The following TACR3 variants were observed in gnomAD, a reference collection of about 807,000 sequenced individuals.
TACR3 encodes tachykinin receptor 3.
Under a neutral mutation model 35.0 loss-of-function variants are expected in TACR3, and 34 were observed. The ratio of observed to expected loss-of-function variants is 0.97; its 90% CI spans 0.74 to 1.30. TACR3 has a LOEUF of 1.30. TACR3 is among the 50% of genes most tolerant of loss of function. The pLI, the probability that TACR3 is intolerant of heterozygous loss-of-function variation, is 0.00. For missense variants in TACR3, 558 were observed against 591.7 expected (o/e 0.94, Z 0.59); for synonymous variants, 233 against 221.1 (o/e 1.05, Z -0.48).
At chr4:103,616,165 A>C (rs1724653482) in intron 3 of TACR3, among the ~76,000 whole-genome samples, 1 of 152,202 alleles carries the variant, frequency 6.6e-6, no homozygotes. Flanking sequence ...TGAAACATTA[A>C]TACAAGTTTG....
intron 3 of TACR3, chr4:103,593,271 T>A (rs1723932507): frequency 6.6e-6 from 1 of 152,196 alleles, no homozygotes; most frequent in Non-Finnish European, 1.5e-5. Context: ...TCTTGTCTTT[T>A]TACCCTCTAT....
At chr4:103,691,693 G>A (rs1722404833) in intron 1 of TACR3, among the ~76,000 whole-genome samples, 1 of 152,120 alleles carries the variant, frequency 6.6e-6, no homozygotes, top group South Asian at 2.1e-4. Context: ...GAAGGTTGTG[G>A]GTTTACGGGA....
At chr4:103,707,625 A>G (rs1451902642) in intron 1 of TACR3, among the ~76,000 whole-genome samples, 5 of 152,158 alleles carry the variant, frequency 3.3e-5, no homozygotes, top group Non-Finnish European at 7.4e-5. Flanking sequence ...TACCGGGTTC[A>G]TCTCACTGGG....
intron 3 of TACR3, among the ~76,000 whole-genome samples, chr4:103,605,058 C>G (rs1724322313): frequency 6.8e-6 from 1 of 147,368 alleles, no homozygotes; most frequent in African/African-American, 2.6e-5. Flanking sequence ...TCAATTCCCA[C>G]CTATGAGTGA....
intron 1 of TACR3, among the ~76,000 whole-genome samples, chr4:103,694,122 A>T (rs1722469961): frequency 6.6e-6 from 1 of 151,822 alleles, no homozygotes; most frequent in Non-Finnish European, 1.5e-5. Flanking sequence ...CAAATTTCAG[A>T]AGCCTTTTTT....
intron 1 of TACR3, among the ~76,000 whole-genome samples, chr4:103,669,772 T>C (rs1726015545): frequency 6.6e-6 from 1 of 152,042 alleles, no homozygotes; most frequent in African/African-American, 2.4e-5. Flanking sequence ...TCTACAAATA[T>C]TTCCTCCTAT....
intron 3 of TACR3, among the ~76,000 whole-genome samples, chr4:103,602,880 G>A (rs556778635): frequency 6.6e-6 from 1 of 152,328 alleles, no homozygotes; most frequent in South Asian, 2.1e-4. Context: ...CAGATCTCAA[G>A]CTGCATGCTG....
chr4:103,647,935 T>A (rs1725496289), intron 3 of TACR3, among the ~76,000 whole-genome samples: 2 of 151,992 alleles, frequency 1.3e-5, no homozygotes, highest in Non-Finnish European at 2.9e-5. Flanking sequence ...AGGTTCTATA[T>A]AACATAAAAA....
At chr4:103,714,420 A>T (rs898976994) in intron 1 of TACR3, among the ~76,000 whole-genome samples, 2 of 152,136 alleles carry the variant, frequency 1.3e-5, no homozygotes, top group African/African-American at 2.4e-5. Flanking sequence ...AACTTTGACA[A>T]CTCACTAGAG....
chr4:103,676,477 G>A (rs1726171772), intron 1 of TACR3, among the ~76,000 whole-genome samples: 1 of 152,080 alleles, frequency 6.6e-6, no homozygotes, highest in Non-Finnish European at 1.5e-5. Context: ...AAGAAAAACA[G>A]CTATAGAGAC....
In TACR3 at chr4:103,586,755, T is replaced by TA. The variant is rs1461603954; in HGVS notation, c.*2926dup. 8.6e-5 allele frequency: 13 copies of TA among 151,516 alleles called. No homozygotes were observed. Among genetic ancestry groups the TA allele is most frequent in the Admixed American group, 6.6e-5 (1 of 15,170 alleles). 9.4% of individuals were successfully genotyped at this position (151,516 alleles called of 1,614,324 possible). A position where few individuals can be genotyped will look rare whatever the true frequency, so the allele number is the denominator to read the frequency against. On this transcript the variant is annotated 3_prime_UTR_variant, in exon 5 of 5. Coordinates refer to ENST00000304883, the MANE Select transcript of TACR3 (RefSeq NM_001059.3). ...TAATGCAACAGTGTGCTGTACTTGG[T>TA]AAAAAATAAAAAAGTGTGAGAGTGA...
At chr4:103,707,875 G>C (rs1722832449) in intron 1 of TACR3, among the ~76,000 whole-genome samples, 1 of 152,156 alleles carries the variant, frequency 6.6e-6, no homozygotes, top group African/African-American at 2.4e-5. Context: ...GGCTCAGAGG[G>C]TCCCACACCC....
intron 3 of TACR3, among the ~76,000 whole-genome samples, chr4:103,632,599 T>C (rs1242574281): frequency 6.7e-6 from 1 of 150,056 alleles, no homozygotes; most frequent in Non-Finnish European, 1.5e-5. Flanking sequence ...CAAACCACCA[T>C]GGCACACGTA....
intron 1 of TACR3, among the ~76,000 whole-genome samples, chr4:103,680,198 T>C (rs1726260782): frequency 6.6e-6 from 1 of 151,386 alleles, no homozygotes; most frequent in Non-Finnish European, 1.5e-5. Flanking sequence ...ACATAAACAA[T>C]AAAAAAAGCC....
chr4:103,632,933 A>T (rs1363996682), intron 3 of TACR3, among the ~76,000 whole-genome samples: 4 of 152,164 alleles, frequency 2.6e-5, no homozygotes, highest in Non-Finnish European at 5.9e-5. Flanking sequence ...TATAATTTAT[A>T]GAAGGAAGAA....
chr4:103,608,257 C>G (rs1407449766), intron 3 of TACR3, among the ~76,000 whole-genome samples: 1 of 151,972 alleles, frequency 6.6e-6, no homozygotes, highest in Non-Finnish European at 1.5e-5. Flanking sequence ...TCCTTTGCAG[C>G]AACATGGATG....
At chr4:103,674,835 C>T (rs927117153) in intron 1 of TACR3, among the ~76,000 whole-genome samples, 1 of 152,174 alleles carries the variant, frequency 6.6e-6, no homozygotes, top group Non-Finnish European at 1.5e-5. Context: ...CAGGCGTGAG[C>T]CACCGCGCCC....
intron 1 of TACR3, among the ~76,000 whole-genome samples, chr4:103,687,538 CTT>C (rs1722278920): frequency 6.6e-6 from 1 of 152,142 alleles, no homozygotes; most frequent in Admixed American, 6.6e-5. Context: ...TGATAGGCAA[CTT>C]CAGCAAAGTC....
intron 3 of TACR3, among the ~76,000 whole-genome samples, chr4:103,611,735 T>C (rs1724517255): frequency 6.6e-6 from 1 of 152,154 alleles, no homozygotes. Context: ...GTTTACTTTT[T>C]TGCCCCTCTA....
Sources: gnomAD v4.1 joint callset for allele counts (sites outside exome capture counted in the v4.1 genomes callset) on GRCh38, gnomAD v4.1.1 for gene constraint, MANE v1.5 for transcripts, NCBI Gene and HGNC (gene_info 2026-07-23, HGNC 2026-07-21) for gene names.